Variants in OPRD1 observed in about 807,000 individuals in gnomAD.
OPRD1 encodes the protein opioid receptor delta 1, also known as delta-type opioid receptor.
Under a neutral mutation model 17.5 loss-of-function variants are expected in OPRD1, and 19 were observed. That is an observed-to-expected ratio of 1.09 (90% CI 0.76 to 1.60). The LOEUF is 1.60. Ranked by LOEUF, OPRD1 falls within the 40% of genes most tolerant of loss-of-function variation. OPRD1 has a pLI of 0.00. For missense variants in OPRD1, 483 were observed against 547.2 expected, an observed-to-expected ratio of 0.88 and a Z score of 1.17; for synonymous variants, 256 against 240.9, an observed-to-expected ratio of 1.06 and a Z score of -0.58.
chr1:28,823,147 G>A (rs1025972576), intron 1 of OPRD1, among the ~76,000 whole-genome samples: 24 of 151,276 alleles, frequency 1.6e-4, no homozygotes, highest in African/African-American at 5.6e-4. Context: ...CTTTGTCTCT[G>A]GCCAGGAAGG....
intron 1 of OPRD1, among the ~76,000 whole-genome samples, chr1:28,843,744 G>A (rs757487342): frequency 6.6e-6 from 1 of 151,844 alleles, no homozygotes; most frequent in Non-Finnish European, 1.5e-5. Flanking sequence ...TCAGCCTCCC[G>A]AGTAGCTGGG....
chr1:28,856,536 G>A (rs1202561948), intron 1 of OPRD1, among the ~76,000 whole-genome samples: 1 of 152,056 alleles, frequency 6.6e-6, no homozygotes, highest in Admixed American at 6.6e-5. Flanking sequence ...CCTCCTCTGG[G>A]TATCTCAGAT....
At chr1:28,850,452 T>C (rs943911602) in intron 1 of OPRD1, among the ~76,000 whole-genome samples, 1 of 151,780 alleles carries the variant, frequency 6.6e-6, no homozygotes, top group African/African-American at 2.4e-5. Context: ...GCCTCCAGAG[T>C]AGCTGGGATT....
intron 1 of OPRD1, among the ~76,000 whole-genome samples, chr1:28,858,279 A>T (rs1569653277): frequency 7.1e-6 from 1 of 140,138 alleles, no homozygotes; most frequent in East Asian, 2.2e-4. Context: ...ACGCCCGGCT[A>T]TTTTTTTTGT....
At chr1:28,817,173 A>G (rs1443806490) in intron 1 of OPRD1, among the ~76,000 whole-genome samples, 1 of 152,086 alleles carries the variant, frequency 6.6e-6, no homozygotes, top group Non-Finnish European at 1.5e-5. Context: ...GTCTCCTTGT[A>G]TCAAATGCTG....
intron 1 of OPRD1, among the ~76,000 whole-genome samples, chr1:28,835,227 C>G (rs1015611642): frequency 6.6e-6 from 1 of 152,200 alleles, no homozygotes; most frequent in African/African-American, 2.4e-5. Flanking sequence ...CCAGCCACCC[C>G]TAAGCCAGAA....
chr1:28,847,248 C>T (rs1455255254), intron 1 of OPRD1, among the ~76,000 whole-genome samples: 1 of 152,190 alleles, frequency 6.6e-6, no homozygotes, highest in East Asian at 1.9e-4. Flanking sequence ...GATGGGGTTT[C>T]GCCATGTTGG....
chr1:28,837,632 G>A (rs2088863327), intron 1 of OPRD1, among the ~76,000 whole-genome samples: 2 of 151,550 alleles, frequency 1.3e-5, no homozygotes, highest in African/African-American at 2.4e-5. Flanking sequence ...TGGTGACAGA[G>A]TGAGATTCCG....
At chr1:28,843,712 G>A (rs542434779) in intron 1 of OPRD1, among the ~76,000 whole-genome samples, 4 of 151,082 alleles carry the variant, frequency 2.6e-5, no homozygotes, top group African/African-American at 4.9e-5. Flanking sequence ...CCTCAACTTC[G>A]GGGTCAAGCA....
chr1:28,849,066 C>G (rs2088977202), intron 1 of OPRD1, among the ~76,000 whole-genome samples: 1 of 152,068 alleles, frequency 6.6e-6, no homozygotes, highest in African/African-American at 2.4e-5. Flanking sequence ...GGACTCAGGG[C>G]CAGCAGACAC....
intron 1 of OPRD1, among the ~76,000 whole-genome samples, chr1:28,820,846 C>A (rs530762451): frequency 1.3e-5 from 2 of 151,800 alleles, no homozygotes; most frequent in East Asian, 3.9e-4. Context: ...GTGATCTGCC[C>A]GCCTCTGGCC....
intron 1 of OPRD1, among the ~76,000 whole-genome samples, chr1:28,840,786 G>T (rs2088889849): frequency 6.6e-6 from 1 of 152,132 alleles, no homozygotes; most frequent in African/African-American, 2.4e-5. Context: ...GCCGGGCATA[G>T]TGGTGGGCAG....
chr1:28,847,073 C>T (rs72889678), intron 1 of OPRD1, among the ~76,000 whole-genome samples: 4,445 of 78,840 alleles, frequency 0.056, 216 homozygotes, highest in African/African-American at 0.14. Context: ...TCCTTTCCGA[C>T]GGAGTTTGGC....
At chr1:28,838,049 T>G (rs538485) in intron 1 of OPRD1, among the ~76,000 whole-genome samples, 71,930 of 150,982 alleles carry the variant, frequency 0.48, 18,558 homozygotes, top group East Asian at 0.82. Context: ...GTTTTTGGAG[T>G]GATTAAATGA....
chr1:28,836,472 T>C (rs1354616251), intron 1 of OPRD1, among the ~76,000 whole-genome samples: 1 of 145,476 alleles, frequency 6.9e-6, no homozygotes, highest in African/African-American at 2.6e-5. Flanking sequence ...ATCGCGCCAC[T>C]ACACTCCAGC....
intron 1 of OPRD1, among the ~76,000 whole-genome samples, chr1:28,813,825 G>A (rs2088651207): frequency 6.6e-6 from 1 of 152,214 alleles, no homozygotes; most frequent in Non-Finnish European, 1.5e-5. Context: ...TGTAGTCTCA[G>A]CCTAGTCATG....
In OPRD1 at chr1:28,870,093, C is replaced by G. The variant is rs2089203896; in HGVS notation, c.*6810C>G. ...TCTGTTTTGGTCATGAAAGTGTTCC[C>G]AGGAAATGCAAATGGACACACAGTA... On this transcript the variant is annotated 3_prime_UTR_variant, in exon 3 of 3. Transcript: ENST00000234961. 6.6e-6 allele frequency: 1 copy of G among 152,116 alleles called. No homozygotes were observed. Among genetic ancestry groups the G allele is most frequent in the African/African-American group, 2.4e-5 (1 of 41,404 alleles). The allele number at this position is 152,116 out of a possible 1,614,324, so 9.4% of individuals were successfully genotyped here. A position where few individuals can be genotyped will look rare whatever the true frequency, so the allele number is the denominator to read the frequency against.
At position 28,820,002 on chromosome 1, in the gene OPRD1, G is replaced by A. The variant is rs1004357694; in HGVS notation, c.227+7392G>A. Among the ~76,000 whole-genome samples, 3 of 152,108 alleles carry A rather than the reference G, an allele frequency of 2.0e-5. No individual in the cohort carries two copies. The East Asian group carries it at 5.8e-4, about 29-fold the overall frequency. On this transcript the variant is annotated intron_variant, in intron 1 of 2. Coordinates refer to ENST00000234961, the MANE Select transcript of OPRD1 (RefSeq NM_000911.4). ...GCCTCAGCTTTATCATCTGTGAAAC[G>A]GGAGTAGTGATAGACCCTCACAGAG... is the stretch of plus-strand genomic sequence containing the variant.
chr1:28,850,345 C>T (rs150711386), intron 1 of OPRD1, among the ~76,000 whole-genome samples: 3,165 of 151,868 alleles, frequency 0.021, 58 homozygotes, highest in Non-Finnish European at 0.031. Context: ...TTTTTTGAGA[C>T]GGAGTTTCAC....
Sources: gnomAD v4.1 joint callset for allele counts (sites outside exome capture counted in the v4.1 genomes callset) on GRCh38, gnomAD v4.1.1 for gene constraint, MANE v1.5 for transcripts, NCBI Gene and HGNC (gene_info 2026-07-23, HGNC 2026-07-21) for gene names.